The following SPOCK2 variants were observed in gnomAD, a reference collection of about 807,000 sequenced individuals.
SPOCK2 encodes the protein testican-2.
SPOCK2 carries 39 observed loss-of-function variants against 60.1 expected under a neutral mutation model. That is an observed-to-expected ratio of 0.65 (90% confidence interval 0.50 to 0.85). SPOCK2 has a LOEUF of 0.85. Among genes scored for constraint, SPOCK2 ranks in the 40% least tolerant of loss-of-function variants. The pLI, the probability that SPOCK2 is intolerant of heterozygous loss-of-function variation, is 0.00. For missense variants in SPOCK2, 523 were observed against 567.4 expected (o/e 0.92, Z 0.80); for synonymous variants, 217 against 231.5 (o/e 0.94, Z 0.57).
chr10:72,075,345 G>A (rs921607565), intron 1 of SPOCK2, among the ~76,000 whole-genome samples: 6 of 152,022 alleles, frequency 3.9e-5, no homozygotes, highest in Admixed American at 3.3e-4. Context: ...GGAGGTATGA[G>A]CCCTCAACCA....
At chr10:72,067,191 G>A (rs968228433) in intron 7 of SPOCK2, 71 bp from the exon 8 acceptor site, 22 of 1,446,626 alleles carry the variant, frequency 1.5e-5, no homozygotes, top group African/African-American at 9.8e-5. Flanking sequence ...CCATCTCTCC[G>A]CCTCGCCATC....
chr10:72,067,311 T>C (rs993041050), intron 7 of SPOCK2, among the ~76,000 whole-genome samples, 191 bp from the exon 8 acceptor site: 1 of 152,180 alleles, frequency 6.6e-6, no homozygotes, highest in Non-Finnish European at 1.5e-5. Flanking sequence ...GGACTATGCC[T>C]GAACCATTCA....
chr10:72,079,646 C>T (rs1213183779), intron 1 of SPOCK2, among the ~76,000 whole-genome samples: 6 of 152,128 alleles, frequency 3.9e-5, no homozygotes, highest in Admixed American at 3.9e-4. Flanking sequence ...CCAAATCACC[C>T]GCTCACTTCA....
intron 5 of SPOCK2, 89 bp downstream of exon 5, chr10:72,070,223 C>T: frequency 6.8e-6 from 9 of 1,331,784 alleles, no homozygotes; most frequent in Non-Finnish European, 9.4e-6. Flanking sequence ...CTGGAAACCC[C>T]TCCGGAGGCC....
chr10:72,087,782 G>A lies in SPOCK2; in HGVS notation c.189+358C>T, dbSNP rs2131826637. On this transcript the variant is annotated intron_variant, in intron 1 of 10. Transcript: ENST00000373109. This position sits in a 1 kb window ranked among gnomAD's most constrained non-coding sequence, Gnocchi z 4.7. ...CAGGCCCGGGGGCGGCTCGCACAACGCAGCTGGGGACCGGGTCGGGGTCCA... is the reference window on the plus strand; with the variant it reads ...CAGGCCCGGGGGCGGCTCGCACAACACAGCTGGGGACCGGGTCGGGGTCCA... Among the ~76,000 whole-genome samples, 1 of 152,224 alleles carries A rather than the reference G, an allele frequency of 6.6e-6. No homozygotes were observed. Among genetic ancestry groups the A allele is most frequent in the African/African-American group, 2.4e-5 (1 of 41,566 alleles).
At position 72,065,210 on chromosome 10, in the gene SPOCK2, AT is replaced by A. The variant is rs1330841283; in HGVS notation, c.929-971del. On this transcript the variant is annotated intron_variant, in intron 8 of 10. Coordinates refer to ENST00000373109, the MANE Select transcript of SPOCK2 (RefSeq NM_001244950.2). ...GCCACCATGCCTGGCTAATTTTTGT[AT>A]TTTTAGTAGAGACAGGATTTCACCA... Among the ~76,000 whole-genome samples, 4 of 148,810 alleles carry A rather than the reference AT, an allele frequency of 2.7e-5. 1 individual carries two copies. In the Admixed American group the frequency reaches 2.7e-4, roughly 10 times the overall value.
intron 1 of SPOCK2, among the ~76,000 whole-genome samples, chr10:72,077,751 T>G (rs553175678): frequency 6.3e-4 from 96 of 152,268 alleles, no homozygotes; most frequent in African/African-American, 2.2e-3. Context: ...GAACCCAGGC[T>G]CCTGCTTCCA....
At chr10:72,077,948 C>T (rs1267752473) in intron 1 of SPOCK2, among the ~76,000 whole-genome samples, 12 of 152,358 alleles carry the variant, frequency 7.9e-5, no homozygotes, top group East Asian at 1.9e-4. Flanking sequence ...GTCTTCCACA[C>T]GGCTGCGGCC....
intron 4 of SPOCK2, among the ~76,000 whole-genome samples, chr10:72,071,757 G>A (rs11598591): frequency 6.6e-6 from 1 of 152,152 alleles, no homozygotes; most frequent in East Asian, 1.9e-4. Flanking sequence ...ACTTACTTTA[G>A]GTGAAGGCAG....
At chr10:72,066,880 C>A in intron 8 of SPOCK2, 22 bp downstream of exon 8, 1 of 1,613,554 alleles carries the variant, frequency 6.2e-7, no homozygotes, top group Non-Finnish European at 8.5e-7. Flanking sequence ...AGGCAGGGGC[C>A]TGGGAGGGGG....
rs143310953 is a variant in SPOCK2, at chr10:72,072,148, G to A, written c.355C>T (p.His119Tyr). The change falls in exon 4 of 11, where the codon CAC becomes TAC. Residue 119 changes from histidine to tyrosine, a missense_variant. Coordinates refer to ENST00000373109, the MANE Select transcript of SPOCK2 (RefSeq NM_001244950.2). ...CCACCTCCCCAAACCTCTCACCTGT[G>A]CTCCAGCTTCTTGCGACTGATGCAC... ...AMCISRKKLE[H>Y]RIKQPTVKLH... 1.0e-4 allele frequency: 156 copies of A among 1,513,962 alleles called. 1 individual carries two copies. In the African/African-American group the frequency reaches 1.9e-3, roughly 19 times the overall value. The allele number at this position is 1,513,962 out of a possible 1,614,324, so 93.8% of individuals were successfully genotyped here.
chr10:72,082,764 G>C (rs1179846543), intron 1 of SPOCK2, among the ~76,000 whole-genome samples: 1 of 151,034 alleles, frequency 6.6e-6, no homozygotes, highest in Non-Finnish European at 1.5e-5. Flanking sequence ...TGAGGTGGGA[G>C]GATCGCTTGA....
chr10:72,086,640 C>T (rs1840859129), intron 1 of SPOCK2: 2 of 1,223,886 alleles, frequency 1.6e-6, no homozygotes, highest in Admixed American at 7.2e-5. Flanking sequence ...GGGAAGGCCT[C>T]GCGGGGCTCC....
Position 72,062,538 on chromosome 10 carries a change from C to CAAAAA in SPOCK2, c.*221_*222insTTTTT. On this transcript the variant is annotated 3_prime_UTR_variant, in exon 11 of 11. Coordinates refer to ENST00000373109, the MANE Select transcript of SPOCK2 (RefSeq NM_001244950.2). The surrounding 1 kb of genome is among the most constrained non-coding windows in gnomAD (Gnocchi z 4.3). ...CAAGGACACATTTGTCAGCGCATGCCACACACACACACACATACACACATG... is the reference window on the plus strand; with the variant it reads ...CAAGGACACATTTGTCAGCGCATGCCAAAAAACACACACACACACATACACACATG... The CAAAAA allele has an allele frequency of 2.1e-6, 1 of 473,844 alleles. No homozygotes were observed. Among genetic ancestry groups the CAAAAA allele is most frequent in the South Asian group, 5.1e-5 (1 of 19,440 alleles). 29.4% of individuals were successfully genotyped at this position (473,844 alleles called of 1,614,324 possible).
intron 1 of SPOCK2, among the ~76,000 whole-genome samples, chr10:72,084,985 A>C (rs890573516): frequency 5.9e-5 from 9 of 152,228 alleles, no homozygotes; most frequent in African/African-American, 2.2e-4. Flanking sequence ...AGTGGAGTAC[A>C]AAGTAGAGAA....
At chr10:72,079,745 C>G (rs1399778323) in intron 1 of SPOCK2, among the ~76,000 whole-genome samples, 2 of 152,142 alleles carry the variant, frequency 1.3e-5, no homozygotes, top group African/African-American at 2.4e-5. Context: ...GAGCAGCCCT[C>G]CAGACCCTGG....
intron 9 of SPOCK2, among the ~76,000 whole-genome samples, chr10:72,063,816 G>A (rs1840530448): frequency 6.6e-6 from 1 of 152,216 alleles, no homozygotes; most frequent in Admixed American, 6.5e-5. Flanking sequence ...AGGTGTTTAT[G>A]GAGCATGTGA....
chr10:72,072,153 A>G lies in SPOCK2; in HGVS notation c.350T>C (p.Leu117Pro), dbSNP rs1840654940. The G allele has an allele frequency of 1.3e-6, 2 of 1,519,306 alleles. No homozygotes were observed. Among genetic ancestry groups the G allele is most frequent in the Admixed American group, 2.2e-5 (1 of 44,926 alleles). The allele number at this position is 1,519,306 out of a possible 1,614,324, so 94.1% of individuals were successfully genotyped here. ...TCCCCAAACCTCTCACCTGTGCTCC[A>G]GCTTCTTGCGACTGATGCACATGGC... Reference protein sequence around the residue: ...QRAMCISRKKLEHRIKQPTVK... With the variant: ...QRAMCISRKKPEHRIKQPTVK... Residue 117 changes from leucine to proline, a missense_variant, in exon 4 of 11, where the codon CTG becomes CCG. Coordinates refer to ENST00000373109, the MANE Select transcript of SPOCK2 (RefSeq NM_001244950.2).
At chr10:72,070,102 A>G in intron 5 of SPOCK2, 1 of 536,824 alleles carries the variant, frequency 1.9e-6, no homozygotes, top group Non-Finnish European at 3.3e-6. Context: ...GGTCAGGGAC[A>G]GACAGGGTCT....
Sources: allele counts gnomAD v4.1 joint callset (sites outside exome capture counted in the v4.1 genomes callset), GRCh38; gene constraint gnomAD v4.1.1; non-coding constraint Gnocchi (gnomAD v3.1); transcripts MANE v1.5; gene names NCBI Gene and HGNC (gene_info 2026-07-23, HGNC 2026-07-21).